NLRP11: variants seen among roughly 807,000 people sequenced by gnomAD.
The protein encoded by NLRP11 is NACHT, LRR and PYD domains-containing protein 11.
In NLRP11, 53 loss-of-function variants were observed where a neutral mutation model predicts 79.3. The ratio of observed to expected loss-of-function variants is 0.67; its 90% CI spans 0.54 to 0.84. The LOEUF (loss-of-function observed/expected upper bound fraction) is 0.84, where lower values mean the gene tolerates loss of function less well. Ranked by LOEUF, NLRP11 falls within the 40% of genes least tolerant of loss-of-function variation. The pLI is 0.00. For synonymous variants in NLRP11, 518 were observed against 462.6 expected, an observed-to-expected ratio of 1.12 and a Z score of -1.54; for missense variants, 1,264 against 1,255.0, an observed-to-expected ratio of 1.01 and a Z score of -0.11.
exon 10 of NLRP11, chr19:55,785,417 T>C: frequency 2.1e-6 from 1 of 487,756 alleles, no homozygotes; most frequent in South Asian, 3.7e-5. Flanking sequence ...ATGCATTTTA[T>C]CCTTTATTAC....
intron 1 of NLRP11, among the ~76,000 whole-genome samples, chr19:55,830,598 T>TTAAAAAAAAAA (rs752782865): frequency 2.8e-4 from 36 of 129,200 alleles, no homozygotes; most frequent in African/African-American, 5.9e-4. Context: ...CTTAGCTTCC[T>TTAAAAAAAAAA]AAAAAAAAAA....
chr19:55,833,512 TCCCAGCA>T (rs1230087360), upstream of NLRP11, among the ~76,000 whole-genome samples: 1 of 151,900 alleles, frequency 6.6e-6, no homozygotes, highest in Non-Finnish European at 1.5e-5. Context: ...ATGCCTGTAA[TCCCAGCA>T]CTTTGGGAGG....
Position 55,808,695 on chromosome 19 carries a change from C to G in NLRP11, c.1841+74G>C, listed in dbSNP as rs568017074. 3 of 1,393,180 alleles carry G rather than the reference C, an allele frequency of 2.2e-6. No homozygotes were observed. In the Admixed American group the frequency reaches 6.8e-5, roughly 31 times the overall value. The allele number at this position is 1,393,180 out of a possible 1,614,324, so 86.3% of individuals were successfully genotyped here. On this transcript the variant is annotated intron_variant, in intron 3 of 9. Coordinates refer to ENST00000589093, the Ensembl canonical transcript of NLRP11. ...TTCATGGCCCCGAGTTTGTCTTGTT[C>G]TGGTCAACAAGCTCTAGAATTATGG...
At chr19:55,788,871 T>G in exon 9 of NLRP11, 1 of 1,613,832 alleles carries the variant, frequency 6.2e-7, no homozygotes, top group Non-Finnish European at 8.5e-7. Context: ...ACTCCATCAT[T>G]GCCCAAGTGA....
intron 5 of NLRP11, among the ~76,000 whole-genome samples, chr19:55,796,760 C>T (rs573534970): frequency 4.6e-5 from 7 of 151,714 alleles, no homozygotes; most frequent in South Asian, 4.2e-4. Context: ...GATCTCGGCT[C>T]ACTGCAACCT....
At chr19:55,788,915 T>C in exon 9 of NLRP11, 2 of 1,614,030 alleles carry the variant, frequency 1.2e-6, no homozygotes, top group Admixed American at 1.7e-5. Flanking sequence ...TAGTGTTTTG[T>C]TGGTGGTAAG....
intron 1 of NLRP11, among the ~76,000 whole-genome samples, chr19:55,823,639 G>T (rs546387436): frequency 2.0e-5 from 3 of 147,680 alleles, no homozygotes; most frequent in Non-Finnish European, 4.4e-5. Flanking sequence ...GAGCCGATAC[G>T]ATCAACTGGA....
intron 1 of NLRP11, among the ~76,000 whole-genome samples, chr19:55,830,390 A>G (rs1982634463): frequency 6.6e-6 from 1 of 152,176 alleles, no homozygotes; most frequent in Admixed American, 6.5e-5. Flanking sequence ...CTTTAGACTC[A>G]AACAGTCCAT....
At chr19:55,820,540 T>C (rs955900287) in intron 1 of NLRP11, among the ~76,000 whole-genome samples, 1 of 152,142 alleles carries the variant, frequency 6.6e-6, no homozygotes, top group African/African-American at 2.4e-5. Flanking sequence ...TCGCACCCTT[T>C]GAGTTCCTAA....
chr19:55,805,365 C>T (rs920249821), intron 4 of NLRP11, among the ~76,000 whole-genome samples: 2 of 151,868 alleles, frequency 1.3e-5, no homozygotes, highest in Non-Finnish European at 2.9e-5. Context: ...ACACGGGAAG[C>T]CCTTTTAATT....
At chr19:55,829,227 A>G (rs1982513802) in intron 1 of NLRP11, among the ~76,000 whole-genome samples, 2 of 151,746 alleles carry the variant, frequency 1.3e-5, no homozygotes, top group South Asian at 2.1e-4. Context: ...GGAACCTATG[A>G]AGCAGAGTCA....
chr19:55,799,773 C>T (rs1392199373), intron 5 of NLRP11, among the ~76,000 whole-genome samples: 1 of 152,000 alleles, frequency 6.6e-6, no homozygotes, highest in Non-Finnish European at 1.5e-5. Flanking sequence ...GGGAGACCAG[C>T]CTGGCCAACA....
At chr19:55,786,764 G>C (rs974237047) in intron 9 of NLRP11, among the ~76,000 whole-genome samples, 1 of 152,052 alleles carries the variant, frequency 6.6e-6, no homozygotes, top group East Asian at 1.9e-4. Context: ...TGGCATCATG[G>C]AGCTCATGTT....
At chr19:55,835,001 T>C (rs1300768125), upstream of NLRP11, among the ~76,000 whole-genome samples, 1 of 152,220 alleles carries the variant, frequency 6.6e-6, no homozygotes, top group East Asian at 1.9e-4. Context: ...CCCCTGAGGA[T>C]GCAACGGGCA....
exon 8 of NLRP11, chr19:55,789,387 A>G (rs1422175636): frequency 1.9e-6 from 3 of 1,611,146 alleles, no homozygotes; most frequent in East Asian, 4.5e-5. Flanking sequence ...TGCTAAAGAA[A>G]CAGCCAGACA....
chr19:55,785,954 G>A, intron 9 of NLRP11, 83 bp from the exon 10 acceptor site: 1 of 1,408,206 alleles, frequency 7.1e-7, no homozygotes, highest in Non-Finnish European at 9.7e-7. Context: ...TTCCCCATAT[G>A]GCATCCTTTG....
At position 55,811,970 on chromosome 19, in the gene NLRP11, TACACACAC is replaced by T. The variant is rs3973377; in HGVS notation, c.272-1640_272-1633del. ...CAGAAGCTGTCCAGTTTCACACATG[TACACACAC>T]ACACACACACACACACACACGTAAG... is the stretch of plus-strand genomic sequence containing the variant. On this transcript the variant is annotated intron_variant, in intron 2 of 9. Coordinates refer to ENST00000589093, the Ensembl canonical transcript of NLRP11. 0.014 allele frequency among the ~76,000 whole-genome samples: 2,091 copies of T among 149,208 alleles called. 83 individuals are homozygous for T. In the East Asian group the frequency reaches 0.17, roughly 12 times the overall value.
At chr19:55,793,203 T>C (rs1978451705) in intron 6 of NLRP11, among the ~76,000 whole-genome samples, 1 of 151,872 alleles carries the variant, frequency 6.6e-6, no homozygotes, top group Non-Finnish European at 1.5e-5. Flanking sequence ...TTTTAACCCG[T>C]TTTCTGTTTG....
intron 9 of NLRP11, among the ~76,000 whole-genome samples, chr19:55,788,569 T>G (rs1474289118): frequency 6.6e-6 from 1 of 151,156 alleles, no homozygotes; most frequent in Admixed American, 6.6e-5. Flanking sequence ...TGAAACCCCG[T>G]CTCTACTAAA....
Sources: allele counts gnomAD v4.1 joint callset (sites outside exome capture counted in the v4.1 genomes callset), GRCh38; gene constraint gnomAD v4.1.1; transcripts MANE v1.5; gene names NCBI Gene and HGNC (gene_info 2026-07-23, HGNC 2026-07-21).